The following KATNIP variants were observed in gnomAD, a reference collection of about 807,000 sequenced individuals.
KATNIP encodes katanin interacting protein, also known as katanin-interacting protein.
A neutral mutation model predicts 174.0 loss-of-function variants in KATNIP; 126 were observed. The observed-to-expected ratio is 0.72, with a 90% CI of 0.63 to 0.84. The LOEUF (loss-of-function observed/expected upper bound fraction) is 0.84, where lower values mean the gene tolerates loss of function less well. KATNIP is among the 40% of genes least tolerant of loss of function. KATNIP has a pLI of 0.00. For missense variants in KATNIP, 1,958 were observed against 2,109.7 expected, an observed-to-expected ratio of 0.93 and a Z score of 1.41; for synonymous variants, 810 against 835.7, an observed-to-expected ratio of 0.97 and a Z score of 0.53.
At chr16:27,656,419 GAAAAAAAAA>G (rs927275425) in intron 6 of KATNIP, among the ~76,000 whole-genome samples, 61 of 34,444 alleles carry the variant, frequency 1.8e-3, no homozygotes, top group Non-Finnish European at 2.0e-3. Flanking sequence ...CTCTGTCTCA[GAAAAAAAAA>G]AAAAAAAAAA....
At chr16:27,634,247 C>G (rs190347816) in intron 5 of KATNIP, among the ~76,000 whole-genome samples, 2 of 152,126 alleles carry the variant, frequency 1.3e-5, no homozygotes, top group Non-Finnish European at 2.9e-5. Context: ...CCTGATGCCT[C>G]GAGGGCTGTA....
intron 18 of KATNIP, among the ~76,000 whole-genome samples, chr16:27,759,074 C>A (rs565321440): frequency 1.3e-5 from 2 of 152,286 alleles, no homozygotes; most frequent in South Asian, 4.1e-4. Context: ...TCTACTGAAG[C>A]CCTACTTGTT....
intron 2 of KATNIP, among the ~76,000 whole-genome samples, chr16:27,596,484 C>G (rs1250055943): frequency 6.6e-6 from 1 of 152,096 alleles, no homozygotes; most frequent in Non-Finnish European, 1.5e-5. Flanking sequence ...ATCCAGGGCT[C>G]AGGGAGAAAA....
At chr16:27,609,774 C>G (rs901354930) in intron 2 of KATNIP, among the ~76,000 whole-genome samples, 1 of 151,528 alleles carries the variant, frequency 6.6e-6, no homozygotes, top group Admixed American at 6.6e-5. Context: ...TCACTGCAAC[C>G]TCCACCTCCT....
At chr16:27,688,862 GT>G (rs1344797544) in intron 8 of KATNIP, among the ~76,000 whole-genome samples, 9 of 152,140 alleles carry the variant, frequency 5.9e-5, no homozygotes, top group Admixed American at 1.3e-4. Context: ...TCTTTTCTTA[GT>G]TCAAGAACCA....
chr16:27,637,291 C>A lies in KATNIP; in HGVS notation c.408+6129C>A, dbSNP rs1356625931. ...TACTTTACTTCTTTCATTCCGTGCT[C>A]ATGTATTGAGCACATACTCAGTTTT... On this transcript the variant is annotated intron_variant, in intron 5 of 27. Coordinates refer to ENST00000261588, the MANE Select transcript of KATNIP (RefSeq NM_015202.5). This position sits in a 1 kb window ranked among gnomAD's most constrained non-coding sequence, Gnocchi z 4.7. 2.0e-5 allele frequency among the ~76,000 whole-genome samples: 3 copies of A among 152,144 alleles called. No individual in the cohort carries two copies. Among genetic ancestry groups the A allele is most frequent in the African/African-American group, 7.2e-5 (3 of 41,418 alleles).
chr16:27,678,684 G>A (rs535934515), intron 7 of KATNIP, among the ~76,000 whole-genome samples: 16 of 152,280 alleles, frequency 1.1e-4, no homozygotes, highest in African/African-American at 2.4e-4. Context: ...TTGGATCACC[G>A]TGGCTCTGAT....
intron 17 of KATNIP, among the ~76,000 whole-genome samples, chr16:27,752,955 G>T (rs28509355): frequency 0.17 from 26,071 of 152,142 alleles, 3,105 homozygotes; most frequent in African/African-American, 0.34. Flanking sequence ...GGGGAGAAAT[G>T]GGGACAACAC....
intron 11 of KATNIP, among the ~76,000 whole-genome samples, chr16:27,703,565 A>G (rs2079183506): frequency 6.6e-6 from 1 of 152,248 alleles, no homozygotes; most frequent in Non-Finnish European, 1.5e-5. Context: ...CACAGGCTAT[A>G]CAAAAACAGG....
intron 1 of KATNIP, among the ~76,000 whole-genome samples, chr16:27,558,264 G>C (rs2089712476): frequency 1.3e-5 from 2 of 152,112 alleles, no homozygotes; most frequent in African/African-American, 2.4e-5. Flanking sequence ...TCCTGCCTCA[G>C]CCTCCTAAGT....
intron 2 of KATNIP, among the ~76,000 whole-genome samples, chr16:27,579,054 A>G (rs562724069): frequency 6.6e-6 from 1 of 152,294 alleles, no homozygotes; most frequent in Admixed American, 6.5e-5. Context: ...AATGATTTTG[A>G]AATTGTGGTC....
At position 27,749,789 on chromosome 16, in the gene KATNIP, G is replaced by C. The variant is rs201294112; in HGVS notation, c.2829G>C (p.Lys943Asn). Reference protein sequence around the residue: ...SRHSDLPPSKKGEQPGLSRGQ... With the variant: ...SRHSDLPPSKNGEQPGLSRGQ... ...ACAGCGACTTGCCCCCCTCCAAGAA[G>C]GGGGAGCAGCCAGGGCTGTCGAGAG... The change falls in exon 16 of 28, where the codon AAG (lysine) becomes AAC (asparagine). Residue 943 changes from lysine (K) to asparagine (N), a missense_variant. Lys to Asn is a moderately conservative substitution (Grantham distance 94). Around this residue, in one of 3 missense-constraint regions of KATNIP, gnomAD observed 1,557 missense variants for 1,617.8 expected, o/e 0.96. Transcript: ENST00000261588. 2.1e-4 allele frequency: 336 copies of C among 1,610,226 alleles called. 1 individual carries two copies. Among genetic ancestry groups the C allele is most frequent in the Non-Finnish European group, 2.6e-4 (312 of 1,177,718 alleles).
chr16:27,613,105 A>AAAAAAAAAAAAAG (rs1212990509), intron 2 of KATNIP, among the ~76,000 whole-genome samples: 6 of 145,672 alleles, frequency 4.1e-5, no homozygotes, highest in African/African-American at 1.7e-4. Flanking sequence ...CAAAAAATAC[A>AAAAAAAAAAAAAG]AAAAAAGAAA....
chr16:27,733,737 G>T (rs146452943), intron 14 of KATNIP, among the ~76,000 whole-genome samples: 1 of 152,110 alleles, frequency 6.6e-6, no homozygotes, highest in African/African-American at 2.4e-5. Flanking sequence ...ACGACTGGAG[G>T]GGGAGGAAGC....
At chr16:27,750,664 C>G (rs2081476855) in intron 16 of KATNIP, among the ~76,000 whole-genome samples, 1 of 149,698 alleles carries the variant, frequency 6.7e-6, no homozygotes, top group Admixed American at 6.6e-5. Flanking sequence ...GATCTCCTGA[C>G]CTCATGATCT....
In KATNIP at chr16:27,740,752, A is replaced by G. The variant is rs761873030; in HGVS notation, c.2455A>G (p.Ser819Gly). 4 of 1,614,200 alleles carry G rather than the reference A, an allele frequency of 2.5e-6. No individual in the cohort carries two copies. The South Asian group carries it at 4.4e-5, about 18-fold the overall frequency. The change falls in exon 15 of 28, where the codon AGT (serine) becomes GGT (glycine). Residue 819 changes from serine to glycine, a missense_variant. This residue lies in a region of KATNIP where 1,557 missense variants were observed against 1,617.8 expected (regional missense o/e 0.96). Transcript: ENST00000261588. Reference protein sequence around the residue: ...RHEPGWGTSRSVNTKERPQRA... With the variant: ...RHEPGWGTSRGVNTKERPQRA... ...TGAGCCAGGGTGGGGGACCAGCCGGAGTGTCAACACCAAGGAGAGACCCCA... is the reference window on the plus strand; with the variant it reads ...TGAGCCAGGGTGGGGGACCAGCCGGGGTGTCAACACCAAGGAGAGACCCCA...
At chr16:27,600,801 C>T (rs527408156) in intron 2 of KATNIP, among the ~76,000 whole-genome samples, 338 of 151,692 alleles carry the variant, frequency 2.2e-3, no homozygotes, top group African/African-American at 7.6e-3. Flanking sequence ...GCAATCTCGG[C>T]TTACCACAAC....
chr16:27,675,671 T>C (rs569316009), intron 6 of KATNIP, among the ~76,000 whole-genome samples: 31 of 152,324 alleles, frequency 2.0e-4, no homozygotes, highest in Middle Eastern at 6.8e-3. Context: ...CTGTAGAATT[T>C]TGGGGAGTCT....
chr16:27,593,404 A>C (rs1401899645), intron 2 of KATNIP, among the ~76,000 whole-genome samples: 1 of 151,564 alleles, frequency 6.6e-6, no homozygotes, highest in Admixed American at 6.6e-5. Flanking sequence ...ACGCCCAACT[A>C]ATTTTATATT....
Sources: gnomAD v4.1 joint callset for allele counts (sites outside exome capture counted in the v4.1 genomes callset) on GRCh38, gnomAD v4.1.1 for gene constraint, gnomAD v4.1.1 regional missense constraint, Gnocchi (gnomAD v3.1) non-coding constraint, MANE v1.5 for transcripts, NCBI Gene and HGNC (gene_info 2026-07-23, HGNC 2026-07-21) for gene names.